Variants in GALNTL6 observed in about 807,000 individuals in gnomAD.
The protein encoded by GALNTL6 is polypeptide N-acetylgalactosaminyltransferase like 6, also known as polypeptide N-acetylgalactosaminyltransferase-like 6.
Under a neutral mutation model 73.7 loss-of-function variants are expected in GALNTL6, and 46 were observed. That is an observed-to-expected ratio of 0.62 (90% CI 0.49 to 0.80). GALNTL6 has a LOEUF of 0.80. GALNTL6 is among the 30% of genes least tolerant of loss of function. The pLI is 0.00. For missense variants in GALNTL6, 604 were observed against 755.0 expected (o/e 0.80, Z 2.34); for synonymous variants, 259 against 263.7 (o/e 0.98, Z 0.17).
intron 5 of GALNTL6, among the ~76,000 whole-genome samples, chr4:172,754,608 T>A (rs2110796120): frequency 6.6e-6 from 1 of 152,246 alleles, no homozygotes; most frequent in African/African-American, 2.4e-5. Context: ...TTGATCTTGG[T>A]GCTAAAATGA....
At chr4:172,789,271 CT>C (rs1241404895) in intron 5 of GALNTL6, among the ~76,000 whole-genome samples, 1 of 152,178 alleles carries the variant, frequency 6.6e-6, no homozygotes, top group Non-Finnish European at 1.5e-5. Flanking sequence ...TCTGTAACAG[CT>C]CACAGAACTC....
At chr4:172,612,917 A>G (rs1738583033) in intron 5 of GALNTL6, among the ~76,000 whole-genome samples, 1 of 152,072 alleles carries the variant, frequency 6.6e-6, no homozygotes, top group African/African-American at 2.4e-5. Flanking sequence ...CTCTAGAAGA[A>G]GGTTTGGGGG....
intron 3 of GALNTL6, among the ~76,000 whole-genome samples, chr4:172,276,637 A>T (rs1738841878): frequency 6.6e-6 from 1 of 152,130 alleles, no homozygotes; most frequent in Non-Finnish European, 1.5e-5. Flanking sequence ...TTGTTGCTGC[A>T]ATGATCACTT....
intron 5 of GALNTL6, among the ~76,000 whole-genome samples, chr4:172,404,302 C>A (rs1744137372): frequency 6.6e-6 from 1 of 151,852 alleles, no homozygotes; most frequent in South Asian, 2.1e-4. Context: ...GTAGAGTGCC[C>A]CAGAGTCAAA....
At chr4:172,546,810 A>ATATATATG (rs1561131831) in intron 5 of GALNTL6, among the ~76,000 whole-genome samples, 1 of 44,626 alleles carries the variant, frequency 2.2e-5, no homozygotes, top group African/African-American at 6.5e-5. Context: ...ATATATACGT[A>ATATATATG]TATATATACG....
intron 2 of GALNTL6, among the ~76,000 whole-genome samples, chr4:172,065,322 GAGGCGGAGCTC>G (rs1181130725): frequency 6.6e-6 from 1 of 152,106 alleles, no homozygotes; most frequent in Non-Finnish European, 1.5e-5. Context: ...GATCTGAAAG[GAGGCGGAGCTC>G]AGGCCATAAT....
intron 3 of GALNTL6, 97 bp downstream of exon 3, chr4:172,229,861 G>GT (rs1339978189): frequency 9.9e-6 from 7 of 708,696 alleles, no homozygotes; most frequent in Non-Finnish European, 1.7e-5. Flanking sequence ...TCTGCACACT[G>GT]TAAAGTATGT....
chr4:172,440,874 CTA>C (rs1483129333), intron 5 of GALNTL6, among the ~76,000 whole-genome samples: 1 of 151,954 alleles, frequency 6.6e-6, no homozygotes, highest in East Asian at 1.9e-4. Context: ...TATGATATAA[CTA>C]TAAAATTTTT....
intron 2 of GALNTL6, among the ~76,000 whole-genome samples, chr4:172,071,885 T>C (rs570608095): frequency 5.9e-4 from 90 of 152,268 alleles, no homozygotes; most frequent in African/African-American, 2.1e-3. Context: ...TGTGACTGGA[T>C]AGGAATGCAT....
At chr4:172,287,897 C>T (rs1739319532) in intron 3 of GALNTL6, among the ~76,000 whole-genome samples, 1 of 152,082 alleles carries the variant, frequency 6.6e-6, no homozygotes, top group African/African-American at 2.4e-5. Context: ...GAATGAAAAA[C>T]TATAAATAAA....
intron 4 of GALNTL6, among the ~76,000 whole-genome samples, chr4:172,324,185 A>G (rs1740861856): frequency 6.6e-6 from 1 of 152,062 alleles, no homozygotes; most frequent in South Asian, 2.1e-4. Flanking sequence ...ATATGTTAAC[A>G]TAATTAAGGA....
chr4:172,031,140 G>T (rs537509080), intron 2 of GALNTL6, among the ~76,000 whole-genome samples: 1 of 152,100 alleles, frequency 6.6e-6, no homozygotes, highest in African/African-American at 2.4e-5. Context: ...GATGACAGCC[G>T]TTTCTCGGCC....
chr4:172,283,220 C>T (rs938701299), intron 3 of GALNTL6, among the ~76,000 whole-genome samples: 48 of 152,066 alleles, frequency 3.2e-4, no homozygotes, highest in African/African-American at 1.0e-3. Context: ...AATCACCTCA[C>T]GAGGAAGTGT....
intron 5 of GALNTL6, among the ~76,000 whole-genome samples, chr4:172,699,416 A>G (rs540714481): frequency 1.3e-5 from 2 of 152,354 alleles, no homozygotes; most frequent in South Asian, 4.1e-4. Context: ...AAACACATGT[A>G]TACATAAGGT....
chr4:172,899,452 C>A (rs560437074), intron 8 of GALNTL6, among the ~76,000 whole-genome samples: 2 of 150,948 alleles, frequency 1.3e-5, no homozygotes, highest in East Asian at 3.9e-4. Context: ...TTTTAGAAAT[C>A]TTTGAATTTA....
intron 2 of GALNTL6, among the ~76,000 whole-genome samples, chr4:171,907,455 T>C (rs1357978007): frequency 6.6e-6 from 1 of 151,394 alleles, no homozygotes; most frequent in East Asian, 1.9e-4. Context: ...AAGGACCTCT[T>C]CAAGGAGAAC....
intron 2 of GALNTL6, among the ~76,000 whole-genome samples, chr4:172,106,242 A>G (rs2110970220): frequency 6.6e-6 from 1 of 152,282 alleles, no homozygotes; most frequent in Non-Finnish European, 1.5e-5. Flanking sequence ...ACAGTTTGGT[A>G]ATATTTTGCA....
At chr4:171,874,447 C>T (rs1240398214) in intron 2 of GALNTL6, among the ~76,000 whole-genome samples, 1 of 152,122 alleles carries the variant, frequency 6.6e-6, no homozygotes, top group African/African-American at 2.4e-5. Flanking sequence ...ATCTCGGCCT[C>T]CTAAAATGCT....
At chr4:172,404,533 A>C (rs759958449) in intron 5 of GALNTL6, among the ~76,000 whole-genome samples, 3 of 152,076 alleles carry the variant, frequency 2.0e-5, no homozygotes, top group Non-Finnish European at 2.9e-5. Flanking sequence ...CTATCATAAG[A>C]GCCTTAAATG....
Sources: allele counts gnomAD v4.1 joint callset (sites outside exome capture counted in the v4.1 genomes callset), GRCh38; gene constraint gnomAD v4.1.1; transcripts MANE v1.5; gene names NCBI Gene and HGNC (gene_info 2026-07-23, HGNC 2026-07-21).